The following CDHR2 variants were observed in gnomAD, a reference collection of about 807,000 sequenced individuals.
CDHR2 encodes the protein cadherin related family member 2, also known as cadherin-related family member 2.
Under a neutral mutation model 138.6 loss-of-function variants are expected in CDHR2, and 104 were observed. The ratio of observed to expected loss-of-function variants is 0.75; its 90% confidence interval spans 0.64 to 0.88. The LOEUF (loss-of-function observed/expected upper bound fraction) is 0.88. Among genes scored for constraint, CDHR2 ranks in the 40% least tolerant of loss-of-function variants. CDHR2 has a pLI of 0.00. For missense variants in CDHR2, 1,624 were observed against 1,727.6 expected (o/e 0.94, Z 1.06); for synonymous variants, 755 against 742.8 (o/e 1.02, Z -0.27).
chr5:176,592,402 G>T lies in CDHR2; in HGVS notation c.3735-321G>T, dbSNP rs368176300. On this transcript the variant is annotated intron_variant, in intron 30 of 31. Transcript: ENST00000261944. Reference sequence around the variant, plus strand: ...GATGGTTATGATGATGATGGTGGTGGTGGTGTTGGTGTTGAGGTGATGGTG... The same window carrying T: ...GATGGTTATGATGATGATGGTGGTGTTGGTGTTGGTGTTGAGGTGATGGTG... 1.0e-3 allele frequency among the ~76,000 whole-genome samples: 148 copies of T among 147,734 alleles called. No homozygotes were observed. The East Asian group carries it at 0.02, about 20-fold the overall frequency.
rs747221691 is a variant in CDHR2 at position 176,578,524 on chromosome 5, C to T, written c.1734C>T (p.Asp578=). The stretch of plus-strand genomic sequence containing the variant: ...CCACACTGCAGATCCACCTGCTGGA[C>T]ATCAACGACAATGCACCCGTGGTTA... The part of the protein sequence containing the change: ...SSTTLQIHLL[D]INDNAPVVSG... Residue 578 remains aspartate (D), a synonymous_variant, in exon 16 of 32, where the codon GAC becomes GAT. Coordinates refer to ENST00000261944, the MANE Select transcript of CDHR2 (RefSeq NM_017675.6). 1.9e-6 allele frequency: 3 copies of T among 1,614,184 alleles called. No homozygotes were observed. Among genetic ancestry groups the T allele is most frequent in the East Asian group, 4.5e-5 (2 of 44,880 alleles).
chr5:176,562,105 G>A (rs960671017), intron 1 of CDHR2, among the ~76,000 whole-genome samples: 19 of 152,074 alleles, frequency 1.2e-4, no homozygotes, highest in Admixed American at 1.2e-3. Flanking sequence ...GGTGAAGCTG[G>A]AGTGGTCGAG....
At chr5:176,583,061 C>T (rs1022327085) in intron 17 of CDHR2, among the ~76,000 whole-genome samples, 2 of 152,188 alleles carry the variant, frequency 1.3e-5, no homozygotes, top group South Asian at 4.1e-4. Flanking sequence ...AGTGAGACCT[C>T]AGAAATGAAG....
chr5:176,587,457 AT>A (rs201892775), intron 21 of CDHR2, among the ~76,000 whole-genome samples: 632 of 150,180 alleles, frequency 4.2e-3, no homozygotes, highest in East Asian at 0.019. Flanking sequence ...TCAAAAAAAA[AT>A]AAATAAATAA....
At chr5:176,577,325 G>T (rs1416566237) in intron 12 of CDHR2, 74 bp from the exon 13 acceptor site, 3 of 1,497,030 alleles carry the variant, frequency 2.0e-6, no homozygotes, top group Admixed American at 4.1e-5. Context: ...AGAGATAGAA[G>T]CCTGGGGACT....
chr5:176,568,720 AC>A lies in CDHR2; in HGVS notation c.170del (p.Pro57LeufsTer2). On this transcript the variant is annotated frameshift_variant, in exon 4 of 32. Coordinates refer to ENST00000261944, the MANE Select transcript of CDHR2 (RefSeq NM_017675.6). LOFTEE classifies it high-confidence loss of function. Reference protein sequence around the residue: ...FWLVAEDQDNDPLTYGMSGPN... With the variant: ...FWLVAEDQDNXPLTYGMSGPN... ...TTGGTAGCGGAAGACCAGGACAATGACCCTCTGACCTATGGGATGAGCGGCC... is the reference window on the plus strand; with the variant it reads ...TTGGTAGCGGAAGACCAGGACAATGACCTCTGACCTATGGGATGAGCGGCC... The A allele has an allele frequency of 6.2e-7, 1 of 1,614,138 alleles. No individual in the cohort carries two copies. The highest frequency in any genetic ancestry group is 8.5e-7 in the Non-Finnish European group (1 of 1,180,006).
chr5:176,579,306 G>A (rs1176609070), intron 16 of CDHR2, among the ~76,000 whole-genome samples: 1 of 152,184 alleles, frequency 6.6e-6, no homozygotes, highest in African/African-American at 2.4e-5. Context: ...TCCTATCCCT[G>A]ATCTCTTGAC....
At chr5:176,592,597 G>GGTGGTGATGGTGATGATGGTGGTAGTC in intron 30 of CDHR2, 126 bp from the exon 31 acceptor site, 1 of 747,980 alleles carries the variant, frequency 1.3e-6, no homozygotes, top group Non-Finnish European at 2.4e-6. Flanking sequence ...TGATGGTGGT[G>GGTGGTGATGGTGATGATGGTGGTAGTC]GTGGTGATGG....
intron 16 of CDHR2, among the ~76,000 whole-genome samples, chr5:176,578,856 C>G (rs1305840924): frequency 6.6e-6 from 1 of 152,216 alleles, no homozygotes; most frequent in Non-Finnish European, 1.5e-5. Flanking sequence ...CAAAAACATA[C>G]ACTTCTTTTT....
intron 17 of CDHR2, 65 bp downstream of exon 17, chr5:176,581,647 T>C (rs528653307): frequency 1.3e-6 from 2 of 1,586,796 alleles, no homozygotes; most frequent in South Asian, 2.3e-5. Context: ...CCCCTCCAGC[T>C]TGAGTCACAC....
At chr5:176,545,315 GGTTTCACCATGTTCTAC>G (rs1197094201), upstream of CDHR2, among the ~76,000 whole-genome samples, 3 of 152,050 alleles carry the variant, frequency 2.0e-5, no homozygotes, top group Non-Finnish European at 4.4e-5. Flanking sequence ...GTAGAGATGG[GGTTTCACCATGTTCTAC>G]GTTTCACCAT....
downstream of CDHR2, chr5:176,595,943 G>T (rs1208627784): frequency 8.9e-6 from 3 of 337,000 alleles, no homozygotes; most frequent in African/African-American, 6.4e-5. Context: ...GGAGAGGGTG[G>T]CCTTTAAAAG....
Position 176,543,891 on chromosome 5 carries a change from C to T in CDHR2, c.-16+1122C>T, listed in dbSNP as rs1757520038. The stretch of plus-strand genomic sequence containing the variant: ...CCGGCCGAGACATCGGGAGGGATTA[C>T]GTTCCCCGCAACCCCTGTGTCCCCA... On this transcript the variant is annotated intron_variant, in intron 1 of 31. Coordinates refer to the CDHR2 transcript ENST00000510636. The surrounding 1 kb of genome is among the most constrained non-coding windows in gnomAD (Gnocchi z 4.0). Among the ~76,000 whole-genome samples the T allele has an allele frequency of 6.6e-6, 1 of 152,236 alleles. No homozygotes were observed. The highest frequency in any genetic ancestry group is 1.5e-5 in the Non-Finnish European group (1 of 68,032).
chr5:176,565,827 G>A (rs1275084268), intron 3 of CDHR2, 84 bp downstream of exon 3: 8 of 962,820 alleles, frequency 8.3e-6, no homozygotes, highest in Non-Finnish European at 6.5e-6. Flanking sequence ...CCCCCACCAT[G>A]CCTGCAACTC....
chr5:176,574,902 G>A (rs926226991), intron 7 of CDHR2, among the ~76,000 whole-genome samples, 182 bp from the exon 8 acceptor site: 1 of 152,150 alleles, frequency 6.6e-6, no homozygotes, highest in Non-Finnish European at 1.5e-5. Flanking sequence ...TCAACCCACT[G>A]AGGGTTGTCA....
chr5:176,575,579 C>T lies in CDHR2; in HGVS notation c.842C>T (p.Ser281Phe), dbSNP rs144549731. 568 of 1,614,068 alleles carry T rather than the reference C, an allele frequency of 3.5e-4. 2 individuals are homozygous for T. In the Middle Eastern group the frequency reaches 5.1e-3, roughly 15 times the overall value. ...GINDPVIYSI[S>F]YSTRPGWFDI... is the part of the protein sequence containing the mutation. Reference sequence around the variant, plus strand: ...AATGACCCTGTGATCTACAGCATCTCCTGTGAGAACGGGGTGTCCCCAGGC... The same window carrying T: ...AATGACCCTGTGATCTACAGCATCTTCTGTGAGAACGGGGTGTCCCCAGGC... Residue 281 changes from serine to phenylalanine, a missense_variant and splice_region_variant, in exon 10 of 32, where the codon TCC (serine) becomes TTC (phenylalanine). Ser to Phe is a radical substitution (Grantham distance 155). Coordinates refer to ENST00000261944, the MANE Select transcript of CDHR2 (RefSeq NM_017675.6).
At position 176,593,762 on chromosome 5, in the gene CDHR2, A is replaced by G. The variant is rs187958322; in HGVS notation, c.3792+982A>G. 3.8e-4 allele frequency among the ~76,000 whole-genome samples: 58 copies of G among 152,300 alleles called. 1 individual carries two copies. Among genetic ancestry groups the G allele is most frequent in the Admixed American group, 3.4e-3 (52 of 15,296 alleles). ...TTTGTTTTCCCTGAGGACTCCTTAC[A>G]TGGAAAGATTTGGTCAACCGAAGCC... On this transcript the variant is annotated intron_variant, in intron 31 of 31. Transcript: ENST00000261944.
At position 176,577,518 on chromosome 5, in the gene CDHR2, G is replaced by T. The variant is rs745813233; in HGVS notation, c.1314G>T (p.Leu438=). The T allele has an allele frequency of 6.2e-7, 1 of 1,613,414 alleles. No homozygotes were observed. The highest frequency in any genetic ancestry group is 8.5e-7 in the Non-Finnish European group (1 of 1,179,828). Residue 438 remains leucine (L), a synonymous_variant, in exon 13 of 32, where the codon CTG becomes CTT. Coordinates refer to ENST00000261944, the MANE Select transcript of CDHR2 (RefSeq NM_017675.6). ...SVQVLVRVSA[L]VDYERQTAMA... ...AGGTGCTGGTGAGAGTATCCGCGCT[G>T]GTGGACTACGAGAGGCAGACGGCGA...
At position 176,565,049 on chromosome 5, in the gene CDHR2, G is replaced by A. The variant is rs114975344; in HGVS notation, c.-15-289G>A. Among the ~76,000 whole-genome samples, 1,315 of 152,282 alleles carry A rather than the reference G, an allele frequency of 8.6e-3. 16 individuals are homozygous for A. The highest frequency in any genetic ancestry group is 0.029 in the African/African-American group (1,216 of 41,558). On this transcript the variant is annotated intron_variant, in intron 1 of 31. Transcript: ENST00000261944. ...TTGGTGCCTTAGCAGCCACCTCACA[G>A]TTGTGGGAATAACACAGCTGCACAT...
Sources: gnomAD v4.1 joint callset for allele counts (sites outside exome capture counted in the v4.1 genomes callset) on GRCh38, gnomAD v4.1.1 for gene constraint, Gnocchi (gnomAD v3.1) non-coding constraint, MANE v1.5 for transcripts, NCBI Gene and HGNC (gene_info 2026-07-23, HGNC 2026-07-21) for gene names.